MARF1: variants seen among roughly 807,000 people sequenced by gnomAD.
The protein encoded by MARF1 is limkain-b1.
In MARF1, 24 loss-of-function variants were observed where a neutral mutation model predicts 168.2. The ratio of observed to expected loss-of-function variants is 0.14; its 90% CI spans 0.10 to 0.20. The LOEUF is 0.20. MARF1 is among the 10% of genes least tolerant of loss of function. MARF1 has a pLI of 1.00. For synonymous variants in MARF1, 868 were observed against 822.4 expected (o/e 1.06, Z -0.95); for missense variants, 1,744 against 2,143.6 (o/e 0.81, Z 3.68).
intron 26 of MARF1, among the ~76,000 whole-genome samples, chr16:15,597,518 G>A (rs996095054): frequency 2.6e-5 from 4 of 151,886 alleles, no homozygotes; most frequent in East Asian, 1.9e-4. Flanking sequence ...CTGTGGCTGA[G>A]CCACATGTAA....
Position 15,633,601 on chromosome 16 carries a change from AAT to A in MARF1, c.1233+14_1233+15del, listed in dbSNP as rs1491200065. On this transcript the variant is annotated intron_variant, in intron 5 of 26. Transcript: ENST00000396368. ...CCTCTACTGTAGATTAAAATTATTA[AAT>A]TTTTTTTTTTTACCTGGCAATTATT... The A allele has an allele frequency of 1.7e-5, 24 of 1,420,426 alleles. No individual in the cohort carries two copies. Among genetic ancestry groups the A allele is most frequent in the Non-Finnish European group, 1.4e-5 (15 of 1,058,014 alleles). The allele number at this position is 1,420,426 out of a possible 1,614,324, so 88.0% of individuals were successfully genotyped here. A position where few individuals can be genotyped will look rare whatever the true frequency, so the allele number is the denominator to read the frequency against.
chr16:15,616,218 G>C (rs2034031738), intron 15 of MARF1, among the ~76,000 whole-genome samples: 1 of 152,176 alleles, frequency 6.6e-6, no homozygotes, highest in African/African-American at 2.4e-5. Flanking sequence ...TTTCTGGGTA[G>C]TTTTCCAGGA....
At chr16:15,636,703 A>C (rs1260953730) in intron 2 of MARF1, among the ~76,000 whole-genome samples, 1 of 152,208 alleles carries the variant, frequency 6.6e-6, no homozygotes, top group African/African-American at 2.4e-5. Flanking sequence ...GTATGAAAAC[A>C]ACCCCTCACA....
At chr16:15,616,879 T>A (rs960838876) in intron 15 of MARF1, 173 bp downstream of exon 15, 1 of 819,470 alleles carries the variant, frequency 1.2e-6, no homozygotes, top group Admixed American at 2.7e-5. Context: ...CAGTCCATGG[T>A]TGGCCAAAAT....
chr16:15,622,635 G>C (rs1208497778), intron 11 of MARF1, among the ~76,000 whole-genome samples: 2 of 152,132 alleles, frequency 1.3e-5, no homozygotes, highest in Non-Finnish European at 2.9e-5. Flanking sequence ...TGGCCGCCTT[G>C]GCCTCCCAAA....
At chr16:15,633,918 C>T (rs2035414035) in intron 4 of MARF1, 75 bp from the exon 5 acceptor site, 1 of 1,222,864 alleles carries the variant, frequency 8.2e-7, no homozygotes, top group East Asian at 2.4e-5. Flanking sequence ...AATAAACTAC[C>T]TATCATTCTC....
In MARF1 at chr16:15,630,439, C is replaced by A; in HGVS notation, c.1417G>T (p.Val473Phe). 6.2e-7 allele frequency: 1 copy of A among 1,613,848 alleles called. No homozygotes were observed. The highest frequency in any genetic ancestry group is 8.5e-7 in the Non-Finnish European group (1 of 1,179,914). Reference sequence around the variant, plus strand: ...GCTTCTGAGGCCTGGTTTTTATGGACCAAAATAATGTGGAAACCATGCCTG... The same window carrying A: ...GCTTCTGAGGCCTGGTTTTTATGGAACAAAATAATGTGGAAACCATGCCTG... ...RHRHGFHIIL[V>F]HKNQASEALL... Residue 473 changes from valine to phenylalanine, a missense_variant, in exon 7 of 27, where the codon GTC (valine) becomes TTC (phenylalanine). Transcript: ENST00000396368.
At chr16:15,636,407 T>C (rs1596506153) in intron 2 of MARF1, 65 bp from the exon 3 acceptor site, 1 of 1,145,314 alleles carries the variant, frequency 8.7e-7, no homozygotes, top group Non-Finnish European at 1.2e-6. Context: ...GTTACTCATA[T>C]CTTACTGCAT....
intron 13 of MARF1, among the ~76,000 whole-genome samples, chr16:15,619,137 C>T (rs1156600711): frequency 6.6e-6 from 1 of 152,100 alleles, no homozygotes; most frequent in Non-Finnish European, 1.5e-5. Flanking sequence ...ATTAACTGGG[C>T]AGGATGGCGG....
chr16:15,631,342 G>T, intron 6 of MARF1, 39 bp downstream of exon 6: 1 of 1,369,606 alleles, frequency 7.3e-7, no homozygotes, highest in Non-Finnish European at 1.0e-6. Context: ...TTCCCACACA[G>T]TGAGTTTAGC....
At chr16:15,637,210 T>C (rs905150446) in intron 2 of MARF1, among the ~76,000 whole-genome samples, 1 of 152,086 alleles carries the variant, frequency 6.6e-6, no homozygotes, top group Non-Finnish European at 1.5e-5. Flanking sequence ...TAAAATAAGA[T>C]AGAGCACATA....
chr16:15,612,794 G>A lies in MARF1; in HGVS notation c.3254-17C>T, dbSNP rs746071806. ...GCCAAGGGTCTAGAAGAAAAAGAAC[G>A]TGTATAAGACAGAAAGCACAGATTT... is the stretch of plus-strand genomic sequence containing the variant. On this transcript the variant is annotated splice_polypyrimidine_tract_variant and intron_variant, in intron 16 of 26. Transcript: ENST00000396368. 18 of 1,602,382 alleles carry A rather than the reference G, an allele frequency of 1.1e-5. No individual in the cohort carries two copies. Among genetic ancestry groups the A allele is most frequent in the African/African-American group, 4.0e-5 (3 of 74,642 alleles).
chr16:15,601,868 GAA>G (rs1165096554), intron 23 of MARF1, 121 bp downstream of exon 23: 1 of 801,326 alleles, frequency 1.2e-6, no homozygotes, highest in African/African-American at 1.7e-5. Flanking sequence ...AGTATGTTTT[GAA>G]AGGATCAATT....
chr16:15,608,260 G>GAAAAAAAAAAAAAAAAAAAAAAAAAA (rs748965777), intron 21 of MARF1, 31 bp downstream of exon 21: 1 of 693,822 alleles, frequency 1.4e-6, no homozygotes, highest in Non-Finnish European at 2.1e-6. Flanking sequence ...TCCCATGAGG[G>GAAAAAAAAAAAAAAAAAAAAAAAAAA]AAAAAAAAAA....
At chr16:15,611,461 AAAAAC>A in intron 18 of MARF1, 126 bp downstream of exon 18, 35 of 853,478 alleles carry the variant, frequency 4.1e-5, no homozygotes, top group South Asian at 1.7e-4. Context: ...AAAAAAAAAA[AAAAAC>A]AAAAAACTAC....
chr16:15,625,273 A>C (rs745423378), intron 8 of MARF1, 99 bp downstream of exon 8: 350 of 1,551,560 alleles, frequency 2.3e-4, no homozygotes, highest in Non-Finnish European at 2.9e-4. Context: ...TCAAACACTG[A>C]AATCAAAAAG....
chr16:15,611,203 A>G, intron 18 of MARF1, 95 bp from the exon 19 acceptor site: 1 of 1,248,114 alleles, frequency 8.0e-7, no homozygotes, highest in East Asian at 2.4e-5. Context: ...TCACGCCTGT[A>G]ATCCCAGCAC....
At chr16:15,624,656 G>A in intron 10 of MARF1, 113 bp downstream of exon 10, 2 of 982,088 alleles carry the variant, frequency 2.0e-6, no homozygotes, top group Middle Eastern at 3.2e-4. Context: ...AGAGTGATGG[G>A]AGACTTACTT....
chr16:15,624,704 C>A, intron 10 of MARF1, 65 bp downstream of exon 10: 1 of 1,458,874 alleles, frequency 6.9e-7, no homozygotes, highest in Non-Finnish European at 9.4e-7. Context: ...TTTCAACAAA[C>A]ATACTATTTC....
Sources: allele counts gnomAD v4.1 joint callset (sites outside exome capture counted in the v4.1 genomes callset), GRCh38; gene constraint gnomAD v4.1.1; transcripts MANE v1.5; gene names NCBI Gene and HGNC (gene_info 2026-07-23, HGNC 2026-07-21).